Variants in ZDHHC21 observed in about 807,000 individuals in gnomAD.
ZDHHC21 encodes the protein zDHHC palmitoyltransferase 21.
ZDHHC21 carries 15 observed loss-of-function variants against 34.6 expected under a neutral mutation model. That is an observed-to-expected ratio of 0.43 (90% confidence interval 0.29 to 0.67). The LOEUF (loss-of-function observed/expected upper bound fraction) is 0.67, where lower values mean the gene tolerates loss of function less well. Ranked by LOEUF, ZDHHC21 falls within the 30% of genes least tolerant of loss-of-function variation. The probability of loss-of-function intolerance (pLI) is 0.14; values close to 1 mark genes in which losing one functional copy is unlikely to be tolerated. For synonymous variants in ZDHHC21, 142 were observed against 101.8 expected (o/e 1.40, Z -2.38); for missense variants, 344 against 327.7 (o/e 1.05, Z -0.38).
Position 14,662,231 on chromosome 9 carries a change from C to A in ZDHHC21, c.349G>T (p.Asp117Tyr). 6.2e-7 allele frequency: 1 copy of A among 1,609,636 alleles called. No homozygotes were observed. Among genetic ancestry groups the A allele is most frequent in the Admixed American group, 1.7e-5 (1 of 59,064 alleles). Residue 117 changes from aspartate (D) to tyrosine (Y), a missense_variant, in exon 6 of 10, where the codon GAT (aspartate) becomes TAT (tyrosine). Coordinates refer to ENST00000380916, the MANE Select transcript of ZDHHC21 (RefSeq NM_178566.6). ...SRCGHCVRRM[D>Y]HHCPWINNCV... ...TATTCTTACCATGGACAGTGATGAT[C>A]CATTCTCCTCACACAGTGGCCGCAG...
chr9:14,629,745 T>G (rs1420750052), intron 8 of ZDHHC21, among the ~76,000 whole-genome samples: 1 of 152,048 alleles, frequency 6.6e-6, no homozygotes, highest in Non-Finnish European at 1.5e-5. Flanking sequence ...TGCTGAAGGC[T>G]GGGGTGGCTG....
At chr9:14,687,016 A>G (rs1838427968) in intron 2 of ZDHHC21, among the ~76,000 whole-genome samples, 1 of 150,666 alleles carries the variant, frequency 6.6e-6, no homozygotes. Context: ...TGCTACCCCA[A>G]TGGCAAATAA....
the ZDHHC21 span, among the ~76,000 whole-genome samples, chr9:14,599,552 GT>G: frequency 7.1e-3 from 1,050 of 147,306 alleles, 7 homozygotes; most frequent in African/African-American, 0.024. Flanking sequence ...AGCTGCAGGA[GT>G]TTTTTTTTTT....
At chr9:14,622,642 A>G (rs1825501985) in intron 8 of ZDHHC21, 1 of 985,000 alleles carries the variant, frequency 1.0e-6, no homozygotes, top group African/African-American at 1.7e-5. Context: ...ACTTTGCCAC[A>G]TATGTTGTCA....
intron 7 of ZDHHC21, among the ~76,000 whole-genome samples, chr9:14,643,132 A>T (rs1829669080): frequency 6.6e-6 from 1 of 152,148 alleles, no homozygotes; most frequent in Non-Finnish European, 1.5e-5. Context: ...CTATAATCAC[A>T]GCTACTAGGC....
rs1321692125 is a variant in ZDHHC21, at chr9:14,658,519, G to A, written c.504+230C>T. ...ACGGAGTCTCGCTGTCGCCCAGGTT[G>A]GAGTGCAGTGGCGCAATCTCGGCTC... On this transcript the variant is annotated intron_variant, in intron 7 of 9. Coordinates refer to ENST00000380916, the MANE Select transcript of ZDHHC21 (RefSeq NM_178566.6). Among the ~76,000 whole-genome samples, 6 of 127,776 alleles carry A rather than the reference G, an allele frequency of 4.7e-5. No individual in the cohort carries two copies. In the Admixed American group the frequency reaches 6.0e-4, roughly 13 times the overall value. The allele number at this position is 127,776 out of a possible 152,430, so 83.8% of individuals were successfully genotyped here.
intron 5 of ZDHHC21, among the ~76,000 whole-genome samples, chr9:14,667,378 A>G (rs1291065921): frequency 6.6e-6 from 1 of 151,936 alleles, no homozygotes; most frequent in East Asian, 1.9e-4. Flanking sequence ...AACCAAAAAG[A>G]GTCCAGGACC....
intron 9 of ZDHHC21, among the ~76,000 whole-genome samples, chr9:14,619,304 G>A (rs577123659): frequency 2.6e-5 from 4 of 152,194 alleles, no homozygotes; most frequent in East Asian, 1.9e-4. Flanking sequence ...TCAATCAACC[G>A]AGCGCAACTT....
chr9:14,622,543 G>C, intron 8 of ZDHHC21: 1 of 985,238 alleles, frequency 1.0e-6, no homozygotes, highest in Non-Finnish European at 1.2e-6. Flanking sequence ...TAACAGACCT[G>C]AGAACCCAGT....
Position 14,682,926 on chromosome 9 carries a change from C to T in ZDHHC21, c.-175-2764G>A, listed in dbSNP as rs1837630466. On this transcript the variant is annotated intron_variant, in intron 2 of 9. Transcript: ENST00000380916. ...CTACATGGAAACTGAACAACCTGCT[C>T]CTGAGTGACTACTAGGTACATAACG... Among the ~76,000 whole-genome samples the T allele has an allele frequency of 3.3e-5, 5 of 152,152 alleles. No homozygotes were observed. The South Asian group carries it at 1.0e-3, about 32-fold the overall frequency.
rs1328688347 is a variant in ZDHHC21 at position 14,614,603 on chromosome 9, A to G, written c.*4363T>C. 6.6e-6 allele frequency: 1 copy of G among 151,792 alleles called. No individual in the cohort carries two copies. Among genetic ancestry groups the G allele is most frequent in the Non-Finnish European group, 1.5e-5 (1 of 67,758 alleles). 9.4% of individuals were successfully genotyped at this position (151,792 alleles called of 1,614,324 possible). On this transcript the variant is annotated 3_prime_UTR_variant, in exon 10 of 10. Coordinates refer to ENST00000380916, the MANE Select transcript of ZDHHC21 (RefSeq NM_178566.6). ...AGAATTCAACTGAGAATGACTAAAT[A>G]TAGAGCACAATGAAATCTGTGATTT...
chr9:14,637,782 C>T (rs1012771297), intron 8 of ZDHHC21, among the ~76,000 whole-genome samples: 17 of 151,862 alleles, frequency 1.1e-4, no homozygotes, highest in African/African-American at 3.9e-4. Flanking sequence ...ATCCCATTTA[C>T]AATAGCTCCA....
downstream of ZDHHC21, among the ~76,000 whole-genome samples, chr9:14,610,062 T>C (rs1823152628): frequency 6.6e-6 from 1 of 152,000 alleles, no homozygotes; most frequent in African/African-American, 2.4e-5. Context: ...TAACATGTAA[T>C]GAGTTTATGT....
Position 14,618,948 on chromosome 9 carries a change from T to C in ZDHHC21, c.*18A>G. ...ATTGCCAGCATGGAGGACCCATCTG[T>C]GCCCACCATCCATCTGTTTAGACAT... is the stretch of plus-strand genomic sequence containing the variant. On this transcript the variant is annotated 3_prime_UTR_variant, in exon 10 of 10. Coordinates refer to ENST00000380916, the MANE Select transcript of ZDHHC21 (RefSeq NM_178566.6). 1 of 1,583,272 alleles carries C rather than the reference T, an allele frequency of 6.3e-7. No homozygotes were observed. Among genetic ancestry groups the C allele is most frequent in the Non-Finnish European group, 8.6e-7 (1 of 1,164,216 alleles).
At chr9:14,607,474 C>T (rs1344121371), downstream of ZDHHC21, among the ~76,000 whole-genome samples, 1 of 151,880 alleles carries the variant, frequency 6.6e-6, no homozygotes, top group African/African-American at 2.4e-5. Flanking sequence ...TCATATATAA[C>T]ACATATGATA....
At chr9:14,653,797 T>C (rs1831684337) in intron 7 of ZDHHC21, among the ~76,000 whole-genome samples, 2 of 152,054 alleles carry the variant, frequency 1.3e-5, no homozygotes, top group South Asian at 4.1e-4. Context: ...GGGAAGAAAT[T>C]TTTTAAACAA....
intron 8 of ZDHHC21, among the ~76,000 whole-genome samples, chr9:14,621,174 C>CA (rs1482287956): frequency 1.5e-4 from 23 of 151,982 alleles, no homozygotes; most frequent in African/African-American, 5.5e-4. Context: ...AGATAGAAGT[C>CA]AACGAGAAAG....
chr9:14,637,020 C>A (rs759304627), intron 8 of ZDHHC21, among the ~76,000 whole-genome samples: 6 of 151,192 alleles, frequency 4.0e-5, no homozygotes, highest in African/African-American at 1.5e-4. Context: ...TGAACCAAAC[C>A]GAAAATTAGT....
At chr9:14,624,011 T>C (rs889005276) in intron 8 of ZDHHC21, among the ~76,000 whole-genome samples, 1 of 152,070 alleles carries the variant, frequency 6.6e-6, no homozygotes, top group Non-Finnish European at 1.5e-5. Context: ...ATCACAGCAC[T>C]GGGTACACTG....
Sources: gnomAD v4.1 joint callset for allele counts (sites outside exome capture counted in the v4.1 genomes callset) on GRCh38, gnomAD v4.1.1 for gene constraint, MANE v1.5 for transcripts, NCBI Gene and HGNC (gene_info 2026-07-23, HGNC 2026-07-21) for gene names.